The following FAM135B variants were observed in gnomAD, a reference collection of about 807,000 sequenced individuals.
FAM135B encodes protein FAM135B.
FAM135B carries 43 observed loss-of-function variants against 127.7 expected under a neutral mutation model. The ratio of observed to expected loss-of-function variants is 0.34; its 90% CI spans 0.26 to 0.43. The LOEUF (loss-of-function observed/expected upper bound fraction) is 0.43, where lower values mean the gene tolerates loss of function less well. Ranked by LOEUF, FAM135B falls within the 20% of genes least tolerant of loss-of-function variation. The pLI, the probability that FAM135B is intolerant of heterozygous loss-of-function variation, is 1.00. For synonymous variants in FAM135B, 670 were observed against 665.1 expected, an observed-to-expected ratio of 1.01 and a Z score of -0.11; for missense variants, 1,558 against 1,725.6, an observed-to-expected ratio of 0.90 and a Z score of 1.72.
At chr8:138,307,377 T>C (rs1357695526) in intron 3 of FAM135B, among the ~76,000 whole-genome samples, 1 of 152,190 alleles carries the variant, frequency 6.6e-6, no homozygotes, top group Admixed American at 6.5e-5. Context: ...TTTTATTATG[T>C]AAATGGCCCA....
intron 3 of FAM135B, among the ~76,000 whole-genome samples, chr8:138,307,343 C>A (rs940641020): frequency 6.6e-6 from 1 of 152,146 alleles, no homozygotes; most frequent in African/African-American, 2.4e-5. Context: ...CCCACCCGTG[C>A]AGAACTATAA....
intron 1 of FAM135B, among the ~76,000 whole-genome samples, chr8:138,482,559 A>C (rs575040740): frequency 6.6e-6 from 1 of 152,160 alleles, no homozygotes; most frequent in Admixed American, 6.6e-5. Flanking sequence ...TTTTGTAGCC[A>C]ATCCCAGGTC....
Position 138,243,157 on chromosome 8 carries a change from A to G in FAM135B, c.543-89T>C, listed in dbSNP as rs1474409651. 4.8e-6 allele frequency: 7 copies of G among 1,466,720 alleles called. No individual in the cohort carries two copies. The highest frequency in any genetic ancestry group is 1.4e-5 in the African/African-American group (1 of 71,050). 90.9% of individuals were successfully genotyped at this position (1,466,720 alleles called of 1,614,324 possible). A position where few individuals can be genotyped will look rare whatever the true frequency, so the allele number is the denominator to read the frequency against. Reference sequence around the variant, plus strand: ...AGCCCCTTTGAGGAGTGTTCCTGTGAAGCATTTGGGATAAGTCATTTAGGA... The same window carrying G: ...AGCCCCTTTGAGGAGTGTTCCTGTGGAGCATTTGGGATAAGTCATTTAGGA... On this transcript the variant is annotated intron_variant, in intron 6 of 19. Transcript: ENST00000395297. This position sits in a 1 kb window ranked among gnomAD's most constrained non-coding sequence, Gnocchi z 7.5.
intron 1 of FAM135B, among the ~76,000 whole-genome samples, chr8:138,435,959 G>A (rs1835431778): frequency 6.6e-6 from 1 of 152,258 alleles, no homozygotes; most frequent in South Asian, 2.1e-4. Context: ...TTGTCTTTTT[G>A]ATCAGGGCTA....
At chr8:138,224,546 G>T (rs1819265639) in intron 7 of FAM135B, among the ~76,000 whole-genome samples, 1 of 152,154 alleles carries the variant, frequency 6.6e-6, no homozygotes, top group Non-Finnish European at 1.5e-5. Context: ...AAAGATATAT[G>T]TGACTAAAGG....
chr8:138,357,164 ATT>A (rs1338750055), intron 2 of FAM135B, among the ~76,000 whole-genome samples: 1 of 152,150 alleles, frequency 6.6e-6, no homozygotes, highest in East Asian at 1.9e-4. Context: ...AAAAAAGACA[ATT>A]TTAAATAATG....
At chr8:138,352,093 G>A (rs1257843202) in intron 2 of FAM135B, among the ~76,000 whole-genome samples, 1 of 152,108 alleles carries the variant, frequency 6.6e-6, no homozygotes, top group Non-Finnish European at 1.5e-5. Flanking sequence ...TCTAGAAGGG[G>A]CCACATGAAG....
chr8:138,429,450 GTGACGA>G (rs1835078720), intron 1 of FAM135B, among the ~76,000 whole-genome samples: 1 of 152,164 alleles, frequency 6.6e-6, no homozygotes, highest in South Asian at 2.1e-4. Flanking sequence ...CAAGCCCCAT[GTGACGA>G]ACTCTATTTT....
chr8:138,176,555 G>A (rs4430137), intron 11 of FAM135B, among the ~76,000 whole-genome samples: 80,201 of 152,054 alleles, frequency 0.53, 21,703 homozygotes, highest in East Asian at 0.8. Flanking sequence ...GAGACAAGCC[G>A]TGAATGTCAT....
chr8:138,342,591 T>C (rs1393203215), intron 2 of FAM135B, among the ~76,000 whole-genome samples: 1 of 152,186 alleles, frequency 6.6e-6, no homozygotes, highest in Non-Finnish European at 1.5e-5. Context: ...GAGTTGACCA[T>C]TGAGCAAGAG....
intron 13 of FAM135B, among the ~76,000 whole-genome samples, chr8:138,149,815 TCATATTTACCCAGTCA>T (rs1463151156): frequency 6.6e-6 from 1 of 151,648 alleles, no homozygotes; most frequent in African/African-American, 2.4e-5. Context: ...ACATGAAACA[TCATATTTACCCAGTCA>T]CTGCCCTCAT....
At chr8:138,158,904 A>G (rs1417724437) in intron 12 of FAM135B, among the ~76,000 whole-genome samples, 1 of 152,182 alleles carries the variant, frequency 6.6e-6, no homozygotes, top group East Asian at 1.9e-4. Flanking sequence ...AGGATCTAGA[A>G]CTAGAAATAC....
chr8:138,213,555 G>A (rs1381908363), intron 7 of FAM135B, among the ~76,000 whole-genome samples: 3 of 150,682 alleles, frequency 2.0e-5, no homozygotes, highest in Non-Finnish European at 4.4e-5. Flanking sequence ...TTAAGACTTG[G>A]CTCTCAGATC....
intron 7 of FAM135B, among the ~76,000 whole-genome samples, chr8:138,238,268 G>C (rs1390942570): frequency 6.6e-6 from 1 of 152,196 alleles, no homozygotes; most frequent in Non-Finnish European, 1.5e-5. Flanking sequence ...GTTTGTGTCA[G>C]GCTGTATGCT....
intron 1 of FAM135B, among the ~76,000 whole-genome samples, chr8:138,416,955 C>T (rs189616607): frequency 6.6e-6 from 1 of 152,130 alleles, no homozygotes. Flanking sequence ...TCATCATGGA[C>T]CTCCAGAATC....
At chr8:138,144,055 C>T (rs1817444377) in intron 15 of FAM135B, among the ~76,000 whole-genome samples, 1 of 152,212 alleles carries the variant, frequency 6.6e-6, no homozygotes, top group Non-Finnish European at 1.5e-5. Flanking sequence ...CTGTTGCTTC[C>T]CATCTAAACC....
chr8:138,391,096 G>A (rs374646455), intron 1 of FAM135B, among the ~76,000 whole-genome samples: 3 of 151,714 alleles, frequency 2.0e-5, no homozygotes, highest in East Asian at 2.0e-4. Context: ...AAGTGCAGGG[G>A]CTGCCTCCCA....
At chr8:138,425,520 C>T (rs1459188878) in intron 1 of FAM135B, 2 of 130,806 alleles carry the variant, frequency 1.5e-5, no homozygotes, top group Non-Finnish European at 3.2e-5. Flanking sequence ...ACCTCTGGCT[C>T]TTGAAGGTGT....
chr8:138,277,880 C>A (rs1380502086), intron 3 of FAM135B, among the ~76,000 whole-genome samples: 3 of 152,154 alleles, frequency 2.0e-5, no homozygotes, highest in African/African-American at 7.2e-5. Context: ...ACTGAGAATT[C>A]CAGGGACCTT....
Sources: gnomAD v4.1 joint callset for allele counts (sites outside exome capture counted in the v4.1 genomes callset) on GRCh38, gnomAD v4.1.1 for gene constraint, Gnocchi (gnomAD v3.1) non-coding constraint, MANE v1.5 for transcripts, NCBI Gene and HGNC (gene_info 2026-07-23, HGNC 2026-07-21) for gene names.